The following ANKRD30B variants were observed in gnomAD, a reference collection of about 807,000 sequenced individuals.
ANKRD30B encodes ankyrin repeat domain 30B.
A neutral mutation model predicts 202.2 loss-of-function variants in ANKRD30B; 144 were observed. The ratio of observed to expected loss-of-function variants is 0.71; its 90% CI spans 0.62 to 0.82. The LOEUF (loss-of-function observed/expected upper bound fraction) is 0.82, where lower values mean the gene tolerates loss of function less well. Among genes scored for constraint, ANKRD30B ranks in the 40% least tolerant of loss-of-function variants. The pLI, the probability that ANKRD30B is intolerant of heterozygous loss-of-function variation, is 0.00. For missense variants in ANKRD30B, 1,487 were observed against 1,669.1 expected (o/e 0.89, Z 1.90); for synonymous variants, 508 against 561.3 (o/e 0.91, Z 1.34).
At chr18:14,931,933 C>CA in the ANKRD30B span, among the ~76,000 whole-genome samples, 3 of 115,910 alleles carry the variant, frequency 2.6e-5, no homozygotes, top group African/African-American at 9.7e-5. Flanking sequence ...TGCTCTGTCC[C>CA]GGGCCCCCCA....
rs561104960 is a variant in ANKRD30B, at chr18:14,763,726, G to A, written c.861G>A (p.Leu287=). The change falls in exon 7 of 44, where the codon TTG becomes TTA. Residue 287 remains leucine (L), a synonymous_variant. Transcript: ENST00000690538. ...GAACACCTGATGAGGCTGCACCCTT[G>A]GCGGAAAGAACACCTGACACGGCTG... ...STGTPDEAAP[L]AERTPDTAES... 6.2e-7 allele frequency: 1 copy of A among 1,614,068 alleles called. No homozygotes were observed. The highest frequency in any genetic ancestry group is 1.7e-5 in the Admixed American group (1 of 60,006).
Position 14,753,052 on chromosome 18 carries a change from C to A in ANKRD30B, c.510+40C>A, listed in dbSNP as rs754069528. The A allele has an allele frequency of 1.5e-5, 22 of 1,476,630 alleles. No individual in the cohort carries two copies. The East Asian group carries it at 4.9e-4, about 33-fold the overall frequency. The allele number at this position is 1,476,630 out of a possible 1,614,324, so 91.5% of individuals were successfully genotyped here. A position where few individuals can be genotyped will look rare whatever the true frequency, so the allele number is the denominator to read the frequency against. On this transcript the variant is annotated intron_variant, in intron 3 of 43. Coordinates refer to ENST00000690538, the MANE Select transcript of ANKRD30B (RefSeq NM_001367607.2). ...ATGTTATTTTCAAAATATTTGAAAT[C>A]CATTTGTTTTAATGTTAACATATGT...
chr18:14,852,476 G>C, intron 42 of ANKRD30B, 56 bp downstream of exon 42: 1 of 1,486,136 alleles, frequency 6.7e-7, no homozygotes, highest in South Asian at 1.4e-5. Flanking sequence ...AGTGGCCTTG[G>C]CTAAATGCTG....
chr18:14,752,775 C>A, intron 2 of ANKRD30B, 64 bp from the exon 3 acceptor site: 2 of 1,545,500 alleles, frequency 1.3e-6, no homozygotes, highest in Non-Finnish European at 1.8e-6. Context: ...GTTTGTGAAA[C>A]CTGTGGAATA....
chr18:14,754,770 G>C, intron 3 of ANKRD30B, 129 bp from the exon 4 acceptor site: 1 of 559,892 alleles, frequency 1.8e-6, no homozygotes, highest in Non-Finnish European at 2.9e-6. Flanking sequence ...AGAAAGAAGG[G>C]ACTGCTATTG....
the ANKRD30B span, among the ~76,000 whole-genome samples, chr18:14,860,007 G>A: frequency 7.0e-6 from 1 of 143,088 alleles, no homozygotes; most frequent in Non-Finnish European, 1.5e-5. Flanking sequence ...AGACAGGGTG[G>A]GAGCTGGGCA....
the ANKRD30B span, among the ~76,000 whole-genome samples, chr18:14,874,732 A>G: frequency 6.6e-6 from 1 of 152,218 alleles, no homozygotes; most frequent in African/African-American, 2.4e-5. Context: ...GAAGGGACCT[A>G]TAAGCTTATC....
intron 41 of ANKRD30B, among the ~76,000 whole-genome samples, 152 bp from the exon 42 acceptor site, chr18:14,851,357 A>G (rs1971876174): frequency 2.0e-5 from 3 of 151,376 alleles, no homozygotes. Context: ...GCTCTATAGT[A>G]TTTGAAGTTT....
At chr18:14,752,191 T>C (rs1913560350) in intron 1 of ANKRD30B, among the ~76,000 whole-genome samples, 1 of 152,172 alleles carries the variant, frequency 6.6e-6, no homozygotes, top group Non-Finnish European at 1.5e-5. Flanking sequence ...CCAAAATACT[T>C]TGCATAGATT....
the ANKRD30B span, among the ~76,000 whole-genome samples, chr18:14,882,124 G>A: frequency 6.6e-6 from 1 of 152,042 alleles, no homozygotes; most frequent in African/African-American, 2.4e-5. Flanking sequence ...GTTCTGCTCT[G>A]ATCTTGGTTA....
intron 8 of ANKRD30B, among the ~76,000 whole-genome samples, chr18:14,770,244 A>T (rs2143790276): frequency 6.6e-6 from 1 of 152,262 alleles, no homozygotes; most frequent in East Asian, 1.9e-4. Flanking sequence ...AGCTAAAATA[A>T]AAGGCACGTG....
chr18:14,868,263 A>G, the ANKRD30B span, among the ~76,000 whole-genome samples: 3 of 152,300 alleles, frequency 2.0e-5, no homozygotes, highest in Non-Finnish European at 4.4e-5. Context: ...CTGGTTCTGT[A>G]CCACAGGCCT....
At chr18:14,845,633 A>G (rs1158724493) in intron 39 of ANKRD30B, among the ~76,000 whole-genome samples, 2 of 151,418 alleles carry the variant, frequency 1.3e-5, no homozygotes, top group African/African-American at 4.9e-5. Flanking sequence ...CTCTTCCATC[A>G]TTTTTGTGTT....
At chr18:14,926,430 T>C in the ANKRD30B span, among the ~76,000 whole-genome samples, 1 of 152,134 alleles carries the variant, frequency 6.6e-6, no homozygotes, top group Non-Finnish European at 1.5e-5. Context: ...ACTCCCTTGA[T>C]GACCTGTGTG....
chr18:14,842,804 A>G, intron 37 of ANKRD30B, 93 bp from the exon 38 acceptor site: 1 of 1,257,136 alleles, frequency 8.0e-7, no homozygotes, highest in East Asian at 2.6e-5. Flanking sequence ...CTCAAAGCTG[A>G]GAAAAAGGAC....
At chr18:14,876,291 A>G in the ANKRD30B span, among the ~76,000 whole-genome samples, 180 of 152,294 alleles carry the variant, frequency 1.2e-3, no homozygotes, top group African/African-American at 4.0e-3. Flanking sequence ...CTCTCCTGCA[A>G]GGGCAAAACT....
At chr18:14,940,601 G>T in the ANKRD30B span, among the ~76,000 whole-genome samples, 2 of 152,162 alleles carry the variant, frequency 1.3e-5, no homozygotes, top group African/African-American at 4.8e-5. Flanking sequence ...GCTGCAAATG[G>T]AACTTAATTG....
At position 14,848,775 on chromosome 18, in the gene ANKRD30B, C is replaced by T. The variant is rs192491310; in HGVS notation, c.3241C>T (p.Leu1081Phe). ...TCCTTCTTGTGAAAGAGGAAGGGAACTTAAAAAAGATAACTGTGAACAAAT... is the reference window on the plus strand; with the variant it reads ...TCCTTCTTGTGAAAGAGGAAGGGAATTTAAAAAAGATAACTGTGAACAAAT... ...ALPSCERGRE[L>F]KKDNCEQITA... is the part of the protein sequence containing the mutation. Residue 1081 changes from leucine (L) to phenylalanine (F), a missense_variant, in exon 40 of 44, where the codon CTT becomes TTT. Physicochemically the swap from Leu to Phe is conservative, Grantham distance 22. Around this residue, in one of 6 missense-constraint regions of ANKRD30B, gnomAD observed 177 missense variants for 216.4 expected, o/e 0.82. Transcript: ENST00000690538. 111 of 1,570,566 alleles carry T rather than the reference C, an allele frequency of 7.1e-5. 1 individual carries two copies. The African/African-American group carries it at 1.3e-3, about 18-fold the overall frequency.
At chr18:14,911,643 T>C in the ANKRD30B span, among the ~76,000 whole-genome samples, 1 of 152,202 alleles carries the variant, frequency 6.6e-6, no homozygotes, top group African/African-American at 2.4e-5. Flanking sequence ...CAAGATTGTT[T>C]TTTCCAATTC....
Sources: gnomAD v4.1 joint callset for allele counts (sites outside exome capture counted in the v4.1 genomes callset) on GRCh38, gnomAD v4.1.1 for gene constraint, gnomAD v4.1.1 regional missense constraint, MANE v1.5 for transcripts, NCBI Gene and HGNC (gene_info 2026-07-23, HGNC 2026-07-21) for gene names.